The following DCC variants were observed in gnomAD, a reference collection of about 807,000 sequenced individuals.
The protein encoded by DCC is netrin receptor DCC.
DCC carries 58 observed loss-of-function variants against 172.5 expected under a neutral mutation model. The observed-to-expected ratio is 0.34, with a 90% CI of 0.27 to 0.42. The LOEUF (loss-of-function observed/expected upper bound fraction) is 0.42. Ranked by LOEUF, DCC falls within the 10% of genes least tolerant of loss-of-function variation. The probability of loss-of-function intolerance (pLI) is 1.00; values close to 1 mark genes in which losing one functional copy is unlikely to be tolerated. For missense variants in DCC, 1,740 were observed against 1,791.0 expected (o/e 0.97, Z 0.51); for synonymous variants, 709 against 644.5 (o/e 1.10, Z -1.52).
At chr18:52,958,191 TCTATC>T (rs1055775864) in intron 5 of DCC, among the ~76,000 whole-genome samples, 39 of 152,282 alleles carry the variant, frequency 2.6e-4, no homozygotes, top group African/African-American at 9.1e-4. Flanking sequence ...TTCTATTTCT[TCTATC>T]CTTTTATTAT....
intron 10 of DCC, among the ~76,000 whole-genome samples, chr18:53,207,083 C>T (rs2055663584): frequency 6.6e-6 from 1 of 152,066 alleles, no homozygotes; most frequent in African/African-American, 2.4e-5. Context: ...ATTTTGCCAA[C>T]CAATTTAAAT....
chr18:53,092,447 C>T (rs2043027469), intron 7 of DCC, among the ~76,000 whole-genome samples: 1 of 152,128 alleles, frequency 6.6e-6, no homozygotes, highest in Non-Finnish European at 1.5e-5. Context: ...TAGACATGGA[C>T]TTTATAAAGC....
At chr18:52,505,600 C>A (rs995105855) in intron 1 of DCC, among the ~76,000 whole-genome samples, 6 of 152,078 alleles carry the variant, frequency 3.9e-5, no homozygotes, top group Non-Finnish European at 7.4e-5. Flanking sequence ...CTAGAGCAAT[C>A]AAAAAATTGT....
intron 1 of DCC, among the ~76,000 whole-genome samples, chr18:52,358,526 T>C (rs1984478633): frequency 6.6e-6 from 1 of 152,234 alleles, no homozygotes. Context: ...ATTTACCATA[T>C]TACCATATTT....
Position 52,727,857 on chromosome 18 carries a change from T to TC in DCC, c.92-24197_92-24196insC, listed in dbSNP as rs2036575659. Among the ~76,000 whole-genome samples the TC allele has an allele frequency of 2.6e-5, 4 of 152,320 alleles. No individual in the cohort carries two copies. The South Asian group carries it at 8.3e-4, about 32-fold the overall frequency. ...TTGGATTATGGTTTTTAAAATATCT[T>TC]TGGGTTTTGAAAACCCAGAACAATG... On this transcript the variant is annotated intron_variant, in intron 1 of 28. Coordinates refer to ENST00000442544, the MANE Select transcript of DCC (RefSeq NM_005215.4).
chr18:52,703,984 A>G (rs2036167014), intron 1 of DCC, among the ~76,000 whole-genome samples: 1 of 152,088 alleles, frequency 6.6e-6, no homozygotes, highest in African/African-American at 2.4e-5. Context: ...ACTGTATGGG[A>G]AATAGATTTA....
chr18:53,404,207 T>A (rs1909504457), intron 19 of DCC, among the ~76,000 whole-genome samples: 1 of 152,074 alleles, frequency 6.6e-6, no homozygotes, highest in African/African-American at 2.4e-5. Context: ...GTAATAAGTC[T>A]GAGGAGAAAA....
At chr18:52,870,157 G>A (rs985608906) in intron 2 of DCC, among the ~76,000 whole-genome samples, 12 of 152,184 alleles carry the variant, frequency 7.9e-5, no homozygotes, top group African/African-American at 2.7e-4. Context: ...CACGAGCTGC[G>A]GCCCAGATCT....
At chr18:53,048,235 C>A (rs921888650) in intron 5 of DCC, among the ~76,000 whole-genome samples, 2 of 151,616 alleles carry the variant, frequency 1.3e-5, no homozygotes, top group African/African-American at 4.8e-5. Flanking sequence ...AAGGACAGTA[C>A]CCAATAGGTA....
chr18:52,846,850 G>A (rs2038901849), intron 2 of DCC, among the ~76,000 whole-genome samples: 1 of 152,122 alleles, frequency 6.6e-6, no homozygotes, highest in East Asian at 1.9e-4. Context: ...ATATTCACCA[G>A]AAATCTGTGC....
At chr18:52,828,456 A>C (rs1465847246) in intron 2 of DCC, among the ~76,000 whole-genome samples, 1 of 152,026 alleles carries the variant, frequency 6.6e-6, no homozygotes, top group East Asian at 1.9e-4. Flanking sequence ...TTAAAGAAAT[A>C]TGAGGAATAA....
chr18:53,500,090 C>T (rs1470212064), intron 27 of DCC, among the ~76,000 whole-genome samples: 4 of 152,044 alleles, frequency 2.6e-5, no homozygotes, highest in African/African-American at 9.7e-5. Context: ...ATCTATGGTC[C>T]TTTCTAAGAA....
chr18:53,193,857 CT>C (rs1190085964), intron 9 of DCC, among the ~76,000 whole-genome samples: 1 of 152,176 alleles, frequency 6.6e-6, no homozygotes, highest in African/African-American at 2.4e-5. Context: ...AAGGTAGGAT[CT>C]TTTTTTCATT....
intron 2 of DCC, among the ~76,000 whole-genome samples, chr18:52,795,740 CT>C (rs1323559036): frequency 6.6e-6 from 1 of 151,952 alleles, no homozygotes; most frequent in Non-Finnish European, 1.5e-5. Context: ...TTGCTATAAA[CT>C]TCCTTCTAGC....
At chr18:52,515,482 C>T (rs1319457172) in intron 1 of DCC, among the ~76,000 whole-genome samples, 2 of 150,928 alleles carry the variant, frequency 1.3e-5, no homozygotes, top group Non-Finnish European at 1.5e-5. Flanking sequence ...TGGCAGGCGC[C>T]TGTAGTCCCA....
intron 1 of DCC, among the ~76,000 whole-genome samples, chr18:52,671,747 G>C (rs997412117): frequency 6.6e-6 from 1 of 151,708 alleles, no homozygotes; most frequent in Non-Finnish European, 1.5e-5. Flanking sequence ...TGTTGGCCAG[G>C]CTGGTCTCGA....
intron 2 of DCC, among the ~76,000 whole-genome samples, chr18:52,812,160 C>T (rs945594682): frequency 3.9e-5 from 6 of 152,126 alleles, no homozygotes; most frequent in Non-Finnish European, 7.4e-5. Context: ...GTTTGGAGCA[C>T]TTTTTCTTTT....
At chr18:52,446,512 C>T (rs2144506627) in intron 1 of DCC, among the ~76,000 whole-genome samples, 1 of 152,118 alleles carries the variant, frequency 6.6e-6, no homozygotes, top group South Asian at 2.1e-4. Flanking sequence ...GGTTTTTGAC[C>T]CTTCTATATA....
intron 12 of DCC, among the ~76,000 whole-genome samples, chr18:53,301,009 T>C (rs1282140961): frequency 4.9e-5 from 1 of 20,574 alleles, no homozygotes; most frequent in Non-Finnish European, 2.2e-4. Context: ...CTTTTCTTTC[T>C]TTTCACTCTT....
Sources: gnomAD v4.1 joint callset for allele counts (sites outside exome capture counted in the v4.1 genomes callset) on GRCh38, gnomAD v4.1.1 for gene constraint, MANE v1.5 for transcripts, NCBI Gene and HGNC (gene_info 2026-07-23, HGNC 2026-07-21) for gene names.